PLXDC2: variants seen among roughly 807,000 people sequenced by gnomAD.
PLXDC2 encodes plexin domain containing 2, also known as plexin domain-containing protein 2.
A neutral mutation model predicts 68.9 loss-of-function variants in PLXDC2; 40 were observed. The ratio of observed to expected loss-of-function variants is 0.58; its 90% CI spans 0.45 to 0.76. The LOEUF (loss-of-function observed/expected upper bound fraction) is 0.76, where lower values mean the gene tolerates loss of function less well. PLXDC2 is among the 30% of genes least tolerant of loss of function. PLXDC2 has a pLI of 0.00. For missense variants in PLXDC2, 644 were observed against 661.9 expected (o/e 0.97, Z 0.30); for synonymous variants, 243 against 234.2 (o/e 1.04, Z -0.34).
chr10:19,881,472 G>A (rs1322933087), intron 1 of PLXDC2, among the ~76,000 whole-genome samples: 2 of 151,862 alleles, frequency 1.3e-5, no homozygotes, highest in South Asian at 2.1e-4. Flanking sequence ...CCTTTACACC[G>A]AGACTCTTTC....
At chr10:20,200,835 C>T (rs1834907279) in intron 9 of PLXDC2, among the ~76,000 whole-genome samples, 1 of 152,062 alleles carries the variant, frequency 6.6e-6, no homozygotes, top group Non-Finnish European at 1.5e-5. Context: ...GGTATCATCT[C>T]ACCCCAGTTA....
intron 7 of PLXDC2, among the ~76,000 whole-genome samples, chr10:20,175,304 A>G (rs139134798): frequency 1.6e-4 from 24 of 152,288 alleles, no homozygotes; most frequent in Non-Finnish European, 2.4e-4. Flanking sequence ...TGAGGCACAG[A>G]AAAGCTAGCA....
chr10:20,227,274 T>G (rs1182776817), intron 12 of PLXDC2, among the ~76,000 whole-genome samples: 2 of 152,040 alleles, frequency 1.3e-5, no homozygotes, highest in African/African-American at 4.8e-5. Flanking sequence ...GAGAAGTAAA[T>G]TGATATTTAC....
chr10:20,065,931 G>C (rs981774101), intron 3 of PLXDC2, among the ~76,000 whole-genome samples: 1 of 152,254 alleles, frequency 6.6e-6, no homozygotes, highest in African/African-American at 2.4e-5. Context: ...CCTGTGGCCT[G>C]GGAGTTGAGG....
At chr10:20,198,544 T>G (rs1209431350) in intron 9 of PLXDC2, among the ~76,000 whole-genome samples, 1 of 152,162 alleles carries the variant, frequency 6.6e-6, no homozygotes, top group Non-Finnish European at 1.5e-5. Flanking sequence ...CTCTTAGTTA[T>G]CTACAATTTC....
At chr10:19,930,339 T>A (rs10764178) in intron 1 of PLXDC2, among the ~76,000 whole-genome samples, 138,637 of 152,186 alleles carry the variant, frequency 0.91, 63,304 homozygotes, top group South Asian at 0.97. Context: ...AACAGCCGGG[T>A]TGGTTTTTTC....
At chr10:19,946,285 A>G (rs1032698963) in intron 1 of PLXDC2, among the ~76,000 whole-genome samples, 2 of 152,096 alleles carry the variant, frequency 1.3e-5, no homozygotes, top group African/African-American at 4.8e-5. Flanking sequence ...TTAAATTAAA[A>G]AAACATTAAT....
At chr10:20,066,605 A>G (rs11011773) in intron 3 of PLXDC2, among the ~76,000 whole-genome samples, 6,972 of 152,276 alleles carry the variant, frequency 0.046, 187 homozygotes, top group Middle Eastern at 0.096. Flanking sequence ...CTCTGTGAAA[A>G]TGAGTTTTGT....
intron 2 of PLXDC2, among the ~76,000 whole-genome samples, chr10:20,039,388 A>G (rs1455105746): frequency 6.6e-6 from 1 of 152,228 alleles, no homozygotes; most frequent in Non-Finnish European, 1.5e-5. Flanking sequence ...AGTAAAAAAA[A>G]TTGCACTCTA....
intron 10 of PLXDC2, among the ~76,000 whole-genome samples, chr10:20,212,888 T>C (rs1382232591): frequency 6.6e-6 from 1 of 152,114 alleles, no homozygotes; most frequent in Admixed American, 6.6e-5. Flanking sequence ...AGACAATCAT[T>C]TCTTTCATAT....
intron 1 of PLXDC2, among the ~76,000 whole-genome samples, chr10:19,834,511 C>T (rs1283868214): frequency 6.6e-6 from 1 of 152,124 alleles, no homozygotes; most frequent in African/African-American, 2.4e-5. Flanking sequence ...ATCTGTATAC[C>T]ACCTATGCCA....
intron 6 of PLXDC2, among the ~76,000 whole-genome samples, chr10:20,153,796 T>A (rs1834180715): frequency 6.6e-6 from 1 of 152,144 alleles, no homozygotes; most frequent in Non-Finnish European, 1.5e-5. Context: ...CAAAGAAATA[T>A]GACTCTAAAG....
chr10:20,143,538 G>A, intron 5 of PLXDC2, 121 bp downstream of exon 5: 2 of 1,210,440 alleles, frequency 1.7e-6, no homozygotes, highest in South Asian at 1.4e-5. Flanking sequence ...GATGCAAATG[G>A]TCTGAGAGGA....
chr10:19,956,334 A>G (rs1834069207), intron 1 of PLXDC2, among the ~76,000 whole-genome samples: 1 of 152,138 alleles, frequency 6.6e-6, no homozygotes, highest in South Asian at 2.1e-4. Context: ...CTCAGTAATC[A>G]TTTTTTATAT....
At chr10:20,274,055 A>AGGAAG (rs1398336850) in intron 13 of PLXDC2, among the ~76,000 whole-genome samples, 1 of 139,538 alleles carries the variant, frequency 7.2e-6, no homozygotes, top group South Asian at 2.7e-4. Context: ...AAGACGGGAA[A>AGGAAG]GGAAGGGAAG....
intron 4 of PLXDC2, among the ~76,000 whole-genome samples, chr10:20,077,852 A>T (rs181322564): frequency 3.9e-4 from 60 of 152,316 alleles, no homozygotes; most frequent in East Asian, 1.5e-3. Flanking sequence ...TTTGCCATTT[A>T]TGAATTTACT....
intron 2 of PLXDC2, among the ~76,000 whole-genome samples, chr10:20,044,114 T>TCCTC (rs1835733795): frequency 7.7e-6 from 1 of 129,536 alleles, no homozygotes; most frequent in African/African-American, 3.0e-5. Context: ...CTTCCTTCCT[T>TCCTC]CCTTCCTTCC....
intron 12 of PLXDC2, among the ~76,000 whole-genome samples, chr10:20,232,005 CAAAAA>C (rs56360100): frequency 6.9e-6 from 1 of 144,842 alleles, no homozygotes; most frequent in Admixed American, 6.9e-5. Context: ...GACCCTATCT[CAAAAA>C]AAAAAAAATT....
intron 9 of PLXDC2, among the ~76,000 whole-genome samples, chr10:20,192,268 T>A (rs1834776669): frequency 6.6e-6 from 1 of 152,056 alleles, no homozygotes; most frequent in Non-Finnish European, 1.5e-5. Context: ...CCTAAGCAGT[T>A]GTGTCCATCA....
Sources: allele counts gnomAD v4.1 joint callset (sites outside exome capture counted in the v4.1 genomes callset), GRCh38; gene constraint gnomAD v4.1.1; transcripts MANE v1.5; gene names NCBI Gene and HGNC (gene_info 2026-07-23, HGNC 2026-07-21).